ESRRG: variants seen among roughly 807,000 people sequenced by gnomAD.
ESRRG encodes estrogen related receptor gamma, also known as estrogen-related receptor gamma.
Under a neutral mutation model 44.0 loss-of-function variants are expected in ESRRG, and 13 were observed. That is an observed-to-expected ratio of 0.30 (90% CI 0.19 to 0.47). The LOEUF (loss-of-function observed/expected upper bound fraction) is 0.47. ESRRG is among the 20% of genes least tolerant of loss of function. ESRRG has a pLI of 1.00. For missense variants in ESRRG, 395 were observed against 580.6 expected (o/e 0.68, Z 3.29); for synonymous variants, 215 against 214.6 (o/e 1.00, Z -0.02).
At chr1:216,699,056 A>T (rs577800263) in intron 1 of ESRRG, among the ~76,000 whole-genome samples, 22 of 152,326 alleles carry the variant, frequency 1.4e-4, no homozygotes, top group African/African-American at 5.3e-4. Flanking sequence ...CATCGCCAGC[A>T]CGTACATAAG....
intron 2 of ESRRG, among the ~76,000 whole-genome samples, chr1:216,775,355 A>T (rs775990895): frequency 6.7e-4 from 102 of 151,850 alleles, no homozygotes; most frequent in Non-Finnish European, 1.2e-3. Flanking sequence ...CTAGCTCTTG[A>T]GCTCTTCGAC....
At chr1:216,770,090 T>C (rs1014501427) in intron 2 of ESRRG, among the ~76,000 whole-genome samples, 2 of 151,764 alleles carry the variant, frequency 1.3e-5, no homozygotes, top group Non-Finnish European at 2.9e-5. Flanking sequence ...AGATAGAAAA[T>C]ACCACAGACA....
intron 2 of ESRRG, among the ~76,000 whole-genome samples, chr1:216,657,874 TG>T (rs1457256702): frequency 2.0e-5 from 3 of 152,144 alleles, no homozygotes; most frequent in Non-Finnish European, 2.9e-5. Context: ...TTTTGCAGGT[TG>T]GTTCTTTAGC....
At chr1:217,086,798 A>G (rs2092106729) in intron 1 of ESRRG, among the ~76,000 whole-genome samples, 1 of 152,236 alleles carries the variant, frequency 6.6e-6, no homozygotes, top group South Asian at 2.1e-4. Context: ...AATCCCCTTT[A>G]CTAGGATAAT....
intron 2 of ESRRG, among the ~76,000 whole-genome samples, chr1:216,838,386 A>T (rs1322165702): frequency 6.6e-6 from 1 of 152,196 alleles, no homozygotes; most frequent in Non-Finnish European, 1.5e-5. Context: ...TGGCATTTAC[A>T]AATTTGTCAT....
intron 2 of ESRRG, among the ~76,000 whole-genome samples, chr1:216,766,564 C>T (rs1182650772): frequency 6.6e-6 from 1 of 151,952 alleles, no homozygotes; most frequent in Non-Finnish European, 1.5e-5. Context: ...CCGCAGCACA[C>T]TCGATAGGTT....
chr1:216,583,466 C>T (rs1374923043), intron 3 of ESRRG, among the ~76,000 whole-genome samples: 7 of 152,216 alleles, frequency 4.6e-5, no homozygotes, highest in Non-Finnish European at 8.8e-5. Flanking sequence ...AGATTGGAAT[C>T]CCCTTGGAAG....
chr1:216,774,573 T>C (rs1186194044), intron 2 of ESRRG, among the ~76,000 whole-genome samples: 1 of 152,062 alleles, frequency 6.6e-6, no homozygotes, highest in Non-Finnish European at 1.5e-5. Context: ...CTGCGTACTT[T>C]CCTAAAGGCA....
intron 3 of ESRRG, among the ~76,000 whole-genome samples, chr1:216,619,512 T>C (rs896135175): frequency 1.3e-5 from 2 of 152,180 alleles, no homozygotes; most frequent in African/African-American, 2.4e-5. Flanking sequence ...CAACAATTCA[T>C]ATGGCAGCCG....
At chr1:217,064,861 G>A (rs1244468126) in intron 1 of ESRRG, among the ~76,000 whole-genome samples, 1 of 152,154 alleles carries the variant, frequency 6.6e-6, no homozygotes, top group Non-Finnish European at 1.5e-5. Flanking sequence ...GGTTATGCTA[G>A]ACCCTGAATA....
intron 2 of ESRRG, among the ~76,000 whole-genome samples, chr1:216,761,035 G>T (rs957934977): frequency 2.0e-5 from 3 of 151,838 alleles, no homozygotes; most frequent in Admixed American, 6.6e-5. Context: ...ACCCACTGTT[G>T]CCCCTTCCAA....
chr1:216,596,478 T>C (rs557831232), intron 3 of ESRRG, among the ~76,000 whole-genome samples: 1 of 152,306 alleles, frequency 6.6e-6, no homozygotes, highest in South Asian at 2.1e-4. Flanking sequence ...GGAGCCATTA[T>C]ACTCCTCCGC....
intron 3 of ESRRG, among the ~76,000 whole-genome samples, chr1:216,638,070 C>G (rs543431869): frequency 5.9e-5 from 9 of 151,998 alleles, no homozygotes; most frequent in Non-Finnish European, 1.3e-4. Context: ...GTACTAGGTG[C>G]CATGAAAGAC....
At chr1:217,043,652 G>T (rs561030697) in intron 1 of ESRRG, among the ~76,000 whole-genome samples, 693 of 1,764 alleles carry the variant, frequency 0.39, 7 homozygotes, top group African/African-American at 0.47. Flanking sequence ...AAGAATAATG[G>T]GGATTTTTTT....
At chr1:216,911,337 T>G (rs550531187) in intron 2 of ESRRG, among the ~76,000 whole-genome samples, 93 of 152,246 alleles carry the variant, frequency 6.1e-4, no homozygotes, top group African/African-American at 2.2e-3. Context: ...GGAGGAACCT[T>G]AAATGTGGAA....
At chr1:216,540,421 A>T (rs2052360757) in intron 5 of ESRRG, among the ~76,000 whole-genome samples, 1 of 151,992 alleles carries the variant, frequency 6.6e-6, no homozygotes, top group South Asian at 2.1e-4. Flanking sequence ...AAGGGACCTT[A>T]TTTAATTTGT....
At chr1:216,640,417 G>T (rs1471388565) in intron 3 of ESRRG, among the ~76,000 whole-genome samples, 2 of 151,940 alleles carry the variant, frequency 1.3e-5, no homozygotes, top group African/African-American at 4.8e-5. Flanking sequence ...GGCCAAGCCA[G>T]CTGGCTTGTT....
At chr1:216,933,382 C>G (rs2063646948) in intron 2 of ESRRG, among the ~76,000 whole-genome samples, 1 of 152,054 alleles carries the variant, frequency 6.6e-6, no homozygotes, top group African/African-American at 2.4e-5. Context: ...CTAGCCCCAC[C>G]TCTATTCCCA....
intron 2 of ESRRG, among the ~76,000 whole-genome samples, chr1:216,823,589 A>G (rs939590755): frequency 4.6e-5 from 7 of 152,186 alleles, no homozygotes; most frequent in Admixed American, 4.6e-4. Flanking sequence ...ATTCTTTTTT[A>G]AAAATTTAAA....
Sources: allele counts gnomAD v4.1 joint callset (sites outside exome capture counted in the v4.1 genomes callset), GRCh38; gene constraint gnomAD v4.1.1; transcripts MANE v1.5; gene names NCBI Gene and HGNC (gene_info 2026-07-23, HGNC 2026-07-21).